Variants in ZNF488 observed in about 807,000 individuals in gnomAD.
The protein encoded by ZNF488 is zinc finger protein 488.
A neutral mutation model predicts 1.2 loss-of-function variants in ZNF488; 1 was observed. That is an observed-to-expected ratio of 0.86 (90% CI 0.30 to 4.07). The LOEUF is 4.07. ZNF488 is among the 30% of genes most tolerant of loss of function. The pLI is 0.18. For missense variants in ZNF488, 450 were observed against 437.9 expected, an observed-to-expected ratio of 1.03 and a Z score of -0.25; for synonymous variants, 185 against 190.1, an observed-to-expected ratio of 0.97 and a Z score of 0.22.
chr10:47,377,630 AC>A (rs1837728408), intron 1 of ZNF488, among the ~76,000 whole-genome samples: 2 of 149,634 alleles, frequency 1.3e-5, no homozygotes, highest in African/African-American at 2.5e-5. Flanking sequence ...ACACACACAC[AC>A]ACACACATGG....
Position 47,367,916 on chromosome 10 carries a change from GGCCCC to G in ZNF488, c.909_913del (p.Gly304Ter), listed in dbSNP as rs1837277982. The G allele has an allele frequency of 6.2e-7, 1 of 1,614,018 alleles. No individual in the cohort carries two copies. Among genetic ancestry groups the G allele is most frequent in the African/African-American group, 1.3e-5 (1 of 74,934 alleles). On this transcript the variant is annotated frameshift_variant, in exon 2 of 2. Transcript: ENST00000585316. LOFTEE classifies it low-confidence loss of function (END_TRUNC). ...TCTCCGCTTCTGAGAATGTGGGTCA[GGCCCC>G]GCATGCTCCTTTTTGTGGTGGGATC... is the stretch of plus-strand genomic sequence containing the variant.
At position 47,369,716 on chromosome 10, in the gene ZNF488, C is replaced by G. The variant is rs1837396671; in HGVS notation, c.-108-779G>C. Among the ~76,000 whole-genome samples, 4 of 152,152 alleles carry G rather than the reference C, an allele frequency of 2.6e-5. No homozygotes were observed. The South Asian group carries it at 8.3e-4, about 31-fold the overall frequency. ...GTGGGCAGCTTCATTCCCATCGTAC[C>G]TGTGAACTCATTCCAAAATGCACCT... On this transcript the variant is annotated intron_variant, in intron 1 of 1. Coordinates refer to ENST00000585316, the MANE Select transcript of ZNF488 (RefSeq NM_153034.4).
chr10:47,377,202 C>A (rs1049534285), intron 1 of ZNF488, among the ~76,000 whole-genome samples: 8 of 152,194 alleles, frequency 5.3e-5, no homozygotes, highest in Non-Finnish European at 8.8e-5. Flanking sequence ...GCGATCTCTA[C>A]GACAAGAGCA....
chr10:47,369,608 T>C (rs1364571462), intron 1 of ZNF488, among the ~76,000 whole-genome samples: 2 of 152,296 alleles, frequency 1.3e-5, no homozygotes, highest in Admixed American at 6.5e-5. Context: ...CCTGTCAGCT[T>C]CTGCGCGGTC....
chr10:47,376,721 G>T (rs533630764), intron 1 of ZNF488, among the ~76,000 whole-genome samples: 1 of 152,166 alleles, frequency 6.6e-6, no homozygotes, highest in East Asian at 1.9e-4. Flanking sequence ...AGCAGAATGG[G>T]GGCTCAAGCC....
intron 1 of ZNF488, among the ~76,000 whole-genome samples, chr10:47,380,753 G>A (rs1166734047): frequency 8.0e-5 from 2 of 25,148 alleles, no homozygotes; most frequent in African/African-American, 3.3e-4. Flanking sequence ...CGGGCTCCAC[G>A]GTTGGAGGCC....
rs1280517658 is a variant in ZNF488, at chr10:47,367,581, C to A, written c.*226G>T. On this transcript the variant is annotated 3_prime_UTR_variant, in exon 2 of 2. Transcript: ENST00000585316. ...CTGCTCTCTGTGCCTGTTAGGGCCT[C>A]TACCCTGGATTTGCAAAGCCCATCA... 5 of 609,602 alleles carry A rather than the reference C, an allele frequency of 8.2e-6. No individual in the cohort carries two copies. Among genetic ancestry groups the A allele is most frequent in the African/African-American group, 1.9e-5 (1 of 53,802 alleles). 37.8% of individuals were successfully genotyped at this position (609,602 alleles called of 1,614,324 possible). A position where few individuals can be genotyped will look rare whatever the true frequency, so the allele number is the denominator to read the frequency against.
chr10:47,373,423 T>C (rs556502671), intron 1 of ZNF488, among the ~76,000 whole-genome samples: 5 of 152,270 alleles, frequency 3.3e-5, no homozygotes, highest in Admixed American at 2.6e-4. Context: ...AAAAGTAGAA[T>C]GGGAAAGACG....
At chr10:47,377,153 C>T (rs570249684) in intron 1 of ZNF488, among the ~76,000 whole-genome samples, 3 of 152,248 alleles carry the variant, frequency 2.0e-5, no homozygotes, top group Admixed American at 1.3e-4. Flanking sequence ...CCCCCTTTGC[C>T]CCAGGTTTTT....
At chr10:47,370,952 T>C (rs1837445897) in intron 1 of ZNF488, among the ~76,000 whole-genome samples, 1 of 152,220 alleles carries the variant, frequency 6.6e-6, no homozygotes, top group African/African-American at 2.4e-5. Flanking sequence ...ATGCGGGCCC[T>C]GTGCGAGGCG....
Position 47,368,878 on chromosome 10 carries a change from G to T in ZNF488, c.-49C>A. On this transcript the variant is annotated 5_prime_UTR_variant, in exon 2 of 2. Coordinates refer to ENST00000585316, the MANE Select transcript of ZNF488 (RefSeq NM_153034.4). ...GTTCTGGAGGGCTTGGCCCAGCAAG[G>T]AGCCATGAGATATGGAAGCTCCCCA... is the stretch of plus-strand genomic sequence containing the variant. 1 of 1,531,776 alleles carries T rather than the reference G, an allele frequency of 6.5e-7. No homozygotes were observed. The highest frequency in any genetic ancestry group is 1.3e-5 in the South Asian group (1 of 76,816). 94.9% of individuals were successfully genotyped at this position (1,531,776 alleles called of 1,614,324 possible). A position where few individuals can be genotyped will look rare whatever the true frequency, so the allele number is the denominator to read the frequency against.
At chr10:47,380,415 A>C (rs1257976143) in intron 1 of ZNF488, among the ~76,000 whole-genome samples, 3 of 152,300 alleles carry the variant, frequency 2.0e-5, no homozygotes, top group Non-Finnish European at 4.4e-5. Context: ...TCTGAAACTG[A>C]GCTCCCCAAG....
rs1837190166 is a variant in ZNF488 at position 47,365,642 on chromosome 10, G to A, written c.*2165C>T. On this transcript the variant is annotated 3_prime_UTR_variant, in exon 2 of 2. Coordinates refer to ENST00000585316, the MANE Select transcript of ZNF488 (RefSeq NM_153034.4). ...CAACAAGACGACAAACAGAAAGATGGTTGCAGATGGTGAGACATGCTGTGA... is the reference window on the plus strand; with the variant it reads ...CAACAAGACGACAAACAGAAAGATGATTGCAGATGGTGAGACATGCTGTGA... The A allele has an allele frequency of 6.0e-6, 1 of 167,198 alleles. No individual in the cohort carries two copies. The highest frequency in any genetic ancestry group is 2.4e-5 in the African/African-American group (1 of 41,466). The allele number at this position is 167,198 out of a possible 1,614,324, so 10.4% of individuals were successfully genotyped here.
chr10:47,367,768 C>G lies in ZNF488; in HGVS notation c.*39G>C, dbSNP rs868960573. The G allele has an allele frequency of 6.4e-7, 1 of 1,568,664 alleles. No individual in the cohort carries two copies. Among genetic ancestry groups the G allele is most frequent in the Middle Eastern group, 1.7e-4 (1 of 5,810 alleles). The stretch of plus-strand genomic sequence containing the variant: ...CCAGGGAGCCCCCCTCTGCCAAAGG[C>G]TGGCTGCTGCACCCAGCAGGTCATT... On this transcript the variant is annotated 3_prime_UTR_variant, in exon 2 of 2. Coordinates refer to ENST00000585316, the MANE Select transcript of ZNF488 (RefSeq NM_153034.4).
intron 1 of ZNF488, among the ~76,000 whole-genome samples, chr10:47,374,170 G>C: frequency 6.6e-6 from 1 of 152,306 alleles, no homozygotes; most frequent in South Asian, 2.1e-4. Context: ...GCTGCACCAG[G>C]TGTCCTCTAT....
rs1555212998 is a variant in ZNF488 at position 47,367,670 on chromosome 10, C to T, written c.*137G>A. The T allele has an allele frequency of 2.1e-6, 2 of 959,104 alleles. No homozygotes were observed. Among genetic ancestry groups the T allele is most frequent in the African/African-American group, 3.3e-5 (2 of 60,588 alleles). The allele number at this position is 959,104 out of a possible 1,614,324, so 59.4% of individuals were successfully genotyped here. A position where few individuals can be genotyped will look rare whatever the true frequency, so the allele number is the denominator to read the frequency against. The stretch of plus-strand genomic sequence containing the variant: ...GCAGGTGTGGCTTTTTCAAATTATG[C>T]CTGAGCTGTTTATCTATGAATGCCA... On this transcript the variant is annotated 3_prime_UTR_variant, in exon 2 of 2. Coordinates refer to ENST00000585316, the MANE Select transcript of ZNF488 (RefSeq NM_153034.4).
At chr10:47,371,897 AT>A (rs1299001421) in intron 1 of ZNF488, among the ~76,000 whole-genome samples, 4 of 152,174 alleles carry the variant, frequency 2.6e-5, no homozygotes, top group Admixed American at 1.3e-4. Context: ...ACTATTTCTC[AT>A]GGGGGCTTCA....
intron 1 of ZNF488, among the ~76,000 whole-genome samples, chr10:47,379,714 CAGACT>C (rs377634712): frequency 6.6e-6 from 1 of 152,410 alleles, no homozygotes; most frequent in East Asian, 1.9e-4. Context: ...CCTTTGCCCA[CAGACT>C]CACAGCCTTC....
intron 1 of ZNF488, among the ~76,000 whole-genome samples, chr10:47,381,526 G>A (rs1030739747): frequency 1.3e-5 from 2 of 152,300 alleles, no homozygotes; most frequent in African/African-American, 4.8e-5. Context: ...GGCTTTCCCA[G>A]AGGCTGGCTG....
Sources: allele counts gnomAD v4.1 joint callset (sites outside exome capture counted in the v4.1 genomes callset), GRCh38; gene constraint gnomAD v4.1.1; transcripts MANE v1.5; gene names NCBI Gene and HGNC (gene_info 2026-07-23, HGNC 2026-07-21).